Variants in MORN3 observed in about 807,000 individuals in gnomAD.
The protein encoded by MORN3 is MORN repeat-containing protein 3.
Under a neutral mutation model 34.7 loss-of-function variants are expected in MORN3, and 38 were observed. The observed-to-expected ratio is 1.10, with a 90% confidence interval of 0.85 to 1.44. The LOEUF is 1.44. Ranked by LOEUF, MORN3 falls within the 40% of genes most tolerant of loss-of-function variation. The pLI is 0.00. For missense variants in MORN3, 311 were observed against 321.7 expected, an observed-to-expected ratio of 0.97 and a Z score of 0.25; for synonymous variants, 109 against 115.3, an observed-to-expected ratio of 0.95 and a Z score of 0.35.
rs533497028 is a variant in MORN3, at chr12:121,662,708, G to A, written c.146-3360C>T. 1.2e-3 allele frequency among the ~76,000 whole-genome samples: 178 copies of A among 149,282 alleles called. 1 individual carries two copies. The highest frequency in any genetic ancestry group is 4.2e-3 in the African/African-American group (169 of 40,544). ...GCGGAGGTTGTAGTGAGCCGAGATC[G>A]CAACACTGCACTTCAGGCTGGGCAA... On this transcript the variant is annotated intron_variant, in intron 1 of 5. Coordinates refer to ENST00000355329, the MANE Select transcript of MORN3 (RefSeq NM_173855.5).
At chr12:121,661,721 C>CAAAATACT (rs1292579011) in intron 1 of MORN3, among the ~76,000 whole-genome samples, 1 of 151,962 alleles carries the variant, frequency 6.6e-6, no homozygotes, top group African/African-American at 2.4e-5. Flanking sequence ...ACTAAAAATA[C>CAAAATACT]AAAAATTAGC....
In MORN3 at chr12:121,664,815, A is replaced by C. The variant is rs953204795; in HGVS notation, c.145+4524T>G. ...AAGGAAATAAAACCGGGAGGAAGTG[A>C]GGGGCAGGACAGGCGAAAACAACCT... On this transcript the variant is annotated intron_variant, in intron 1 of 5. Transcript: ENST00000355329. 4.8e-5 allele frequency among the ~76,000 whole-genome samples: 6 copies of C among 124,892 alleles called. 1 individual carries two copies. In the Admixed American group the frequency reaches 5.9e-4, roughly 12 times the overall value. 81.9% of individuals were successfully genotyped at this position (124,892 alleles called of 152,430 possible).
At chr12:121,660,140 A>G (rs1893534826) in intron 1 of MORN3, among the ~76,000 whole-genome samples, 1 of 151,044 alleles carries the variant, frequency 6.6e-6, no homozygotes, top group Non-Finnish European at 1.5e-5. Context: ...AAGCTGAGGC[A>G]TGAGAATCTC....
chr12:121,655,711 AAAAC>A (rs199944986), intron 2 of MORN3, among the ~76,000 whole-genome samples: 24 of 151,342 alleles, frequency 1.6e-4, no homozygotes, highest in East Asian at 5.9e-4. Context: ...ACTGTCTCAA[AAAAC>A]AAACAAACAA....
upstream of MORN3, among the ~76,000 whole-genome samples, chr12:121,670,820 A>G (rs1893939911): frequency 6.7e-6 from 1 of 149,422 alleles, no homozygotes; most frequent in Non-Finnish European, 1.5e-5. Context: ...AAAAATAATA[A>G]TAAAATAGGC....
chr12:121,653,289 A>G, intron 3 of MORN3, 30 bp from the exon 4 acceptor site: 3 of 1,603,184 alleles, frequency 1.9e-6, no homozygotes, highest in Non-Finnish European at 2.6e-6. Flanking sequence ...GGTGTGGTGC[A>G]GGGTACACCA....
chr12:121,668,309 G>A lies in MORN3; in HGVS notation c.145+1030C>T, dbSNP rs371905803. ...TGTAATCCCAGCACTTTGGGAGGCC[G>A]AGGCGGGCGGATCACTCGAGGTCGG... On this transcript the variant is annotated intron_variant, in intron 1 of 5. Transcript: ENST00000355329. Among the ~76,000 whole-genome samples, 5 of 151,846 alleles carry A rather than the reference G, an allele frequency of 3.3e-5. No homozygotes were observed. In the South Asian group the frequency reaches 8.3e-4, roughly 25 times the overall value.
intron 2 of MORN3, 77 bp downstream of exon 2, chr12:121,659,114 G>T: frequency 1.3e-6 from 2 of 1,532,348 alleles, no homozygotes; most frequent in Non-Finnish European, 1.8e-6. Flanking sequence ...GCCTCTCTCG[G>T]CTTCCCCTAA....
At chr12:121,654,192 T>A (rs1204589981) in intron 3 of MORN3, 82 bp downstream of exon 3, 1 of 1,211,338 alleles carries the variant, frequency 8.3e-7, no homozygotes, top group Non-Finnish European at 1.1e-6. Flanking sequence ...GTGGCCTGTC[T>A]CTGTGGGACC....
intron 1 of MORN3, among the ~76,000 whole-genome samples, chr12:121,665,389 C>A (rs1893720708): frequency 7.3e-6 from 1 of 136,240 alleles, no homozygotes; most frequent in Non-Finnish European, 1.5e-5. Flanking sequence ...CTCCCAGGTT[C>A]ACGCCATTCT....
rs1555324791 is a variant in MORN3 at position 121,649,344 on chromosome 12, G to T, written c.*2307C>A. Reference sequence around the variant, plus strand: ...GCACAGTACTAGCTTGATGACTTGTGATCCTCCCTGAACCTGTTTCCTCCT... The same window carrying T: ...GCACAGTACTAGCTTGATGACTTGTTATCCTCCCTGAACCTGTTTCCTCCT... On this transcript the variant is annotated 3_prime_UTR_variant, in exon 6 of 6. Transcript: ENST00000355329. 1 of 152,162 alleles carries T rather than the reference G, an allele frequency of 6.6e-6. No homozygotes were observed. Among genetic ancestry groups the T allele is most frequent in the Non-Finnish European group, 1.5e-5 (1 of 68,072 alleles). 9.4% of individuals were successfully genotyped at this position (152,162 alleles called of 1,614,324 possible).
chr12:121,671,549 G>A (rs895695219), upstream of MORN3, among the ~76,000 whole-genome samples: 1 of 151,982 alleles, frequency 6.6e-6, no homozygotes, highest in African/African-American at 2.4e-5. Context: ...AGATGCTATG[G>A]CTTAGAGTTG....
chr12:121,653,198 GA>G lies in MORN3; in HGVS notation c.524del (p.Phe175SerfsTer24), dbSNP rs782092261. The G allele has an allele frequency of 3.0e-5, 48 of 1,614,186 alleles. No homozygotes were observed. Among genetic ancestry groups the G allele is most frequent in the Non-Finnish European group, 4.1e-5 (48 of 1,180,032 alleles). ...ACAGCTGGCCGTGGTCCAGATGGAA[GA>G]AACGCCCCGCCCCGTTCTTCATGCC... The part of the protein sequence containing the change: ...ERGMKNGAGR[F>X]FHLDHGQLFE... On this transcript the variant is annotated frameshift_variant, in exon 4 of 6. Transcript: ENST00000355329. LOFTEE classifies it high-confidence loss of function.
At chr12:121,665,447 C>T (rs1418737910) in intron 1 of MORN3, among the ~76,000 whole-genome samples, 1 of 150,484 alleles carries the variant, frequency 6.6e-6, no homozygotes, top group Non-Finnish European at 1.5e-5. Flanking sequence ...CCCGCCACCA[C>T]GCCCGGCTAA....
chr12:121,661,482 T>A (rs1893578820), intron 1 of MORN3, among the ~76,000 whole-genome samples: 1 of 152,164 alleles, frequency 6.6e-6, no homozygotes. Context: ...AGGAACAAAT[T>A]CAACATTATC....
rs1223124290 is a variant in MORN3, at chr12:121,650,581, C to CCAGCACTTTAGG, written c.*1058_*1069dup. 7.4e-5 allele frequency: 11 copies of CCAGCACTTTAGG among 148,266 alleles called. No homozygotes were observed. Among genetic ancestry groups the CCAGCACTTTAGG allele is most frequent in the African/African-American group, 2.5e-4 (10 of 40,228 alleles). 9.2% of individuals were successfully genotyped at this position (148,266 alleles called of 1,614,324 possible). A position where few individuals can be genotyped will look rare whatever the true frequency, so the allele number is the denominator to read the frequency against. ...GGCTCGATGGCTCACACCTGTAATC[C>CCAGCACTTTAGG]CAGCACTTTAGGAGACTGAGCGGGG... On this transcript the variant is annotated 3_prime_UTR_variant, in exon 6 of 6. Transcript: ENST00000355329.
chr12:121,659,165 ACACC>A (rs765464229), intron 2 of MORN3, 22 bp downstream of exon 2: 5 of 1,542,560 alleles, frequency 3.2e-6, no homozygotes, highest in African/African-American at 3.2e-5. Flanking sequence ...ACACACACAC[ACACC>A]CCGGCTGGCA....
chr12:121,662,531 G>A lies in MORN3; in HGVS notation c.146-3183C>T, dbSNP rs558722659. On this transcript the variant is annotated intron_variant, in intron 1 of 5. Coordinates refer to ENST00000355329, the MANE Select transcript of MORN3 (RefSeq NM_173855.5). Reference sequence around the variant, plus strand: ...AGCACTTTGGGAGGCCGAGGCAGGCGGATGATGAGGTCAGGAGATCGAGAC... The same window carrying A: ...AGCACTTTGGGAGGCCGAGGCAGGCAGATGATGAGGTCAGGAGATCGAGAC... Among the ~76,000 whole-genome samples the A allele has an allele frequency of 1.6e-4, 25 of 152,098 alleles. No individual in the cohort carries two copies. The South Asian group carries it at 3.1e-3, about 19-fold the overall frequency.
chr12:121,671,736 C>T (rs146639390), upstream of MORN3, among the ~76,000 whole-genome samples: 3 of 151,876 alleles, frequency 2.0e-5, no homozygotes, highest in African/African-American at 4.8e-5. Flanking sequence ...AAAAATTAGC[C>T]GGGCGTGGTT....
Sources: gnomAD v4.1 joint callset for allele counts (sites outside exome capture counted in the v4.1 genomes callset) on GRCh38, gnomAD v4.1.1 for gene constraint, MANE v1.5 for transcripts, NCBI Gene and HGNC (gene_info 2026-07-23, HGNC 2026-07-21) for gene names.